Variants in ELK3 observed in about 807,000 individuals in gnomAD.
The protein encoded by ELK3 is ETS domain-containing protein Elk-3.
ELK3 carries 10 observed loss-of-function variants against 28.9 expected under a neutral mutation model. The ratio of observed to expected loss-of-function variants is 0.35; its 90% confidence interval spans 0.21 to 0.59. The LOEUF (loss-of-function observed/expected upper bound fraction) is 0.59, where lower values mean the gene tolerates loss of function less well. Among genes scored for constraint, ELK3 ranks in the 20% least tolerant of loss-of-function variants. ELK3 has a pLI of 0.82. For missense variants in ELK3, 463 were observed against 517.3 expected, an observed-to-expected ratio of 0.90 and a Z score of 1.02; for synonymous variants, 272 against 243.5, an observed-to-expected ratio of 1.12 and a Z score of -1.09.
intron 2 of ELK3, among the ~76,000 whole-genome samples, chr12:96,244,888 A>C (rs1428053711): frequency 6.6e-6 from 1 of 152,166 alleles, no homozygotes; most frequent in Admixed American, 6.5e-5. Flanking sequence ...CCAGGTGGAA[A>C]ACATCTGAGT....
rs1402320966 is a variant in ELK3, at chr12:96,268,279, G to A, written c.*1099G>A. 6.6e-6 allele frequency: 1 copy of A among 152,166 alleles called. No individual in the cohort carries two copies. Among genetic ancestry groups the A allele is most frequent in the Non-Finnish European group, 1.5e-5 (1 of 68,040 alleles). 9.4% of individuals were successfully genotyped at this position (152,166 alleles called of 1,614,324 possible). A position where few individuals can be genotyped will look rare whatever the true frequency, so the allele number is the denominator to read the frequency against. ...ACTTGCTGTAATACAAATAGAGAGTGGAGGTACTAAAGGCCTTGCTTGTGG... is the reference window on the plus strand; with the variant it reads ...ACTTGCTGTAATACAAATAGAGAGTAGAGGTACTAAAGGCCTTGCTTGTGG... On this transcript the variant is annotated 3_prime_UTR_variant, in exon 5 of 5. Coordinates refer to ENST00000228741, the MANE Select transcript of ELK3 (RefSeq NM_005230.4).
intron 1 of ELK3, among the ~76,000 whole-genome samples, chr12:96,210,232 C>T (rs1159077188): frequency 6.6e-6 from 1 of 152,198 alleles, no homozygotes; most frequent in Non-Finnish European, 1.5e-5. Flanking sequence ...GTTTCACTGA[C>T]TGCGGAACAG....
intron 2 of ELK3, among the ~76,000 whole-genome samples, chr12:96,229,617 T>C (rs1951727239): frequency 7.1e-6 from 1 of 141,708 alleles, no homozygotes; most frequent in Non-Finnish European, 1.5e-5. Flanking sequence ...CTGCAAACTC[T>C]GCCTCCCAGA....
At chr12:96,261,673 G>A (rs1462525725) in intron 4 of ELK3, among the ~76,000 whole-genome samples, 1 of 152,236 alleles carries the variant, frequency 6.6e-6, no homozygotes, top group Middle Eastern at 3.4e-3. Flanking sequence ...TGGGAATTCT[G>A]CCACCTGATT....
chr12:96,232,442 C>T (rs1051118606), intron 2 of ELK3, among the ~76,000 whole-genome samples: 41 of 151,760 alleles, frequency 2.7e-4, no homozygotes, highest in African/African-American at 9.2e-4. Context: ...TGGTGGTGTG[C>T]GCCTATAAAT....
At chr12:96,218,438 G>A (rs1238639837) in intron 1 of ELK3, among the ~76,000 whole-genome samples, 3 of 152,108 alleles carry the variant, frequency 2.0e-5, no homozygotes, top group East Asian at 1.9e-4. Flanking sequence ...TGATAAGGAC[G>A]GGAATAATAG....
chr12:96,217,937 C>CAAA (rs34565681), intron 1 of ELK3, among the ~76,000 whole-genome samples: 28,615 of 85,166 alleles, frequency 0.34, 4,102 homozygotes, highest in East Asian at 0.54. Flanking sequence ...GACGCCGTCT[C>CAAA]AAAAAAAAAA....
rs1268422530 is a variant in ELK3 at position 96,247,960 on chromosome 12, C to T, written c.1002+226C>T. On this transcript the variant is annotated intron_variant, in intron 3 of 4. Transcript: ENST00000228741. The surrounding 1 kb of genome is among the most constrained non-coding windows in gnomAD (Gnocchi z 5.5). Reference sequence around the variant, plus strand: ...CTCTAGTGGGATGCTTGATTGGTTTCTTGCTTTTAGCGGCCTAAAGTGACC... The same window carrying T: ...CTCTAGTGGGATGCTTGATTGGTTTTTTGCTTTTAGCGGCCTAAAGTGACC... 6.6e-6 allele frequency among the ~76,000 whole-genome samples: 1 copy of T among 152,194 alleles called. No homozygotes were observed. The highest frequency in any genetic ancestry group is 1.5e-5 in the Non-Finnish European group (1 of 68,042).
At chr12:96,259,978 G>A in intron 4 of ELK3, 125 bp downstream of exon 4, 1 of 1,295,080 alleles carries the variant, frequency 7.7e-7, no homozygotes, top group African/African-American at 1.5e-5. Context: ...TCCAGAGGGG[G>A]TTCATGTTAG....
chr12:96,247,346 C>T lies in ELK3; in HGVS notation c.614C>T (p.Ser205Leu), dbSNP rs754870931. Residue 205 changes from serine to leucine, a missense_variant, in exon 3 of 5, where the codon TCA becomes TTA. Physicochemically the swap from Ser to Leu is moderately radical, Grantham distance 145. Transcript: ENST00000228741. The surrounding 1 kb of genome is among the most constrained non-coding windows in gnomAD (Gnocchi z 5.5). ...TRPVVSLPST[S>L]EAAAASAFLA... Reference sequence around the variant, plus strand: ...CCGGTGGTGTCCCTGCCTTCCACGTCAGAGGCTGCGGCGGCGTCCGCCTTC... The same window carrying T: ...CCGGTGGTGTCCCTGCCTTCCACGTTAGAGGCTGCGGCGGCGTCCGCCTTC... The T allele has an allele frequency of 1.9e-6, 3 of 1,614,248 alleles. No homozygotes were observed. Among genetic ancestry groups the T allele is most frequent in the Non-Finnish European group, 2.5e-6 (3 of 1,180,042 alleles).
chr12:96,249,249 C>T (rs1039877873), intron 3 of ELK3, among the ~76,000 whole-genome samples: 1 of 152,292 alleles, frequency 6.6e-6, no homozygotes, highest in South Asian at 2.1e-4. Context: ...AAGGCAGTGT[C>T]CCTGATCACG....
intron 3 of ELK3, among the ~76,000 whole-genome samples, chr12:96,254,786 A>G (rs999653429): frequency 2.0e-5 from 3 of 152,074 alleles, no homozygotes; most frequent in Admixed American, 1.3e-4. Flanking sequence ...CCTGAGATGG[A>G]GGAAGAATGT....
intron 2 of ELK3, among the ~76,000 whole-genome samples, chr12:96,234,217 A>C (rs2137023497): frequency 6.6e-6 from 1 of 152,270 alleles, no homozygotes; most frequent in Middle Eastern, 3.4e-3. Context: ...GTGTTCCCCC[A>C]AAATAGGGCA....
chr12:96,228,146 A>G (rs1312987025), intron 2 of ELK3, among the ~76,000 whole-genome samples: 1 of 152,108 alleles, frequency 6.6e-6, no homozygotes, highest in East Asian at 1.9e-4. Context: ...GAGGCCGAGC[A>G]TGGTGGCTCA....
At chr12:96,255,788 G>T (rs1017093129) in intron 3 of ELK3, among the ~76,000 whole-genome samples, 2 of 152,050 alleles carry the variant, frequency 1.3e-5, no homozygotes, top group African/African-American at 4.8e-5. Flanking sequence ...TATATTTTGG[G>T]GTTAAATATT....
intron 3 of ELK3, among the ~76,000 whole-genome samples, chr12:96,258,890 C>T (rs1345205118): frequency 1.3e-5 from 2 of 152,176 alleles, no homozygotes; most frequent in Admixed American, 1.3e-4. Context: ...ACTCCACATC[C>T]GGAAGGAATC....
rs145748639 is a variant in ELK3 at position 96,244,136 on chromosome 12, C to G, written c.208-2804C>G. On this transcript the variant is annotated intron_variant, in intron 2 of 4. Transcript: ENST00000228741. ...TATAGTCTAGTAATTCATTATTCCT[C>G]AAATAATGAATTCTAGGCCTTGGTG... Among the ~76,000 whole-genome samples, 524 of 152,132 alleles carry G rather than the reference C, an allele frequency of 3.4e-3. 2 individuals are homozygous for G. Among genetic ancestry groups the G allele is most frequent in the Non-Finnish European group, 5.8e-3 (395 of 68,008 alleles).
intron 1 of ELK3, among the ~76,000 whole-genome samples, chr12:96,210,397 C>T (rs182152542): frequency 2.0e-4 from 30 of 152,252 alleles, no homozygotes; most frequent in African/African-American, 6.7e-4. Flanking sequence ...CTGTCATGCA[C>T]GGTTTCCCTG....
At chr12:96,237,886 G>A (rs1477919549) in intron 2 of ELK3, among the ~76,000 whole-genome samples, 1 of 152,228 alleles carries the variant, frequency 6.6e-6, no homozygotes, top group Non-Finnish European at 1.5e-5. Context: ...GACACTTCGG[G>A]TTTCATGTCA....
Sources: allele counts gnomAD v4.1 joint callset (sites outside exome capture counted in the v4.1 genomes callset), GRCh38; gene constraint gnomAD v4.1.1; non-coding constraint Gnocchi (gnomAD v3.1); transcripts MANE v1.5; gene names NCBI Gene and HGNC (gene_info 2026-07-23, HGNC 2026-07-21).